CMTM8: variants seen among roughly 807,000 people sequenced by gnomAD.
The protein encoded by CMTM8 is CKLF-like MARVEL transmembrane domain-containing protein 8.
In CMTM8, 12 loss-of-function variants were observed where a neutral mutation model predicts 18.6. The ratio of observed to expected loss-of-function variants is 0.65; its 90% CI spans 0.41 to 1.05. CMTM8 has a LOEUF of 1.05. CMTM8 is among the 50% of genes least tolerant of loss of function. The pLI, the probability that CMTM8 is intolerant of heterozygous loss-of-function variation, is 0.00. For missense variants in CMTM8, 217 were observed against 227.2 expected (o/e 0.95, Z 0.29); for synonymous variants, 87 against 90.6 (o/e 0.96, Z 0.23).
chr3:32,368,053 G>A, intron 3 of CMTM8, 65 bp downstream of exon 3: 1 of 1,126,958 alleles, frequency 8.9e-7, no homozygotes, highest in Non-Finnish European at 1.3e-6. Context: ...TGGGATTGGG[G>A]AAGACAGAGT....
chr3:32,267,164 C>G (rs965713020), intron 1 of CMTM8, among the ~76,000 whole-genome samples: 1 of 152,146 alleles, frequency 6.6e-6, no homozygotes, highest in Non-Finnish European at 1.5e-5. Flanking sequence ...GCCAAAAGAA[C>G]AAAGCTGGAG....
chr3:32,333,226 G>A (rs1696316186), intron 1 of CMTM8, among the ~76,000 whole-genome samples: 1 of 152,152 alleles, frequency 6.6e-6, no homozygotes, highest in Non-Finnish European at 1.5e-5. Flanking sequence ...ATTTTTATAT[G>A]TCACAAAATA....
intron 1 of CMTM8, among the ~76,000 whole-genome samples, chr3:32,284,470 C>T (rs1007126969): frequency 5.3e-5 from 8 of 152,194 alleles, no homozygotes; most frequent in Admixed American, 5.2e-4. Context: ...TCCTCACCTT[C>T]TACCAGCCTT....
At chr3:32,269,237 G>C (rs1238687978) in intron 1 of CMTM8, among the ~76,000 whole-genome samples, 1 of 152,158 alleles carries the variant, frequency 6.6e-6, no homozygotes, top group Non-Finnish European at 1.5e-5. Context: ...AGAAATGTCT[G>C]TGTGCTTTGA....
At chr3:32,312,747 T>C (rs1300638711) in intron 1 of CMTM8, among the ~76,000 whole-genome samples, 1 of 151,722 alleles carries the variant, frequency 6.6e-6, no homozygotes, top group Non-Finnish European at 1.5e-5. Context: ...TCTAACCCTC[T>C]AATCACATGA....
chr3:32,347,879 G>A (rs79640918), intron 1 of CMTM8, among the ~76,000 whole-genome samples: 7,957 of 152,172 alleles, frequency 0.052, 273 homozygotes, highest in East Asian at 0.14. Flanking sequence ...AGCCTTTAAC[G>A]TGGTTTGGCT....
rs1373197226 is a variant in CMTM8, at chr3:32,323,467, C to G, written c.148-33906C>G. Among the ~76,000 whole-genome samples the G allele has an allele frequency of 2.6e-5, 4 of 152,142 alleles. No homozygotes were observed. In the East Asian group the frequency reaches 5.8e-4, roughly 22 times the overall value. ...ATGTGGGCATGGCCAGATTTTGGCTCTCATACTTTTTAACTTCTACCTATA... is the reference window on the plus strand; with the variant it reads ...ATGTGGGCATGGCCAGATTTTGGCTGTCATACTTTTTAACTTCTACCTATA... On this transcript the variant is annotated intron_variant, in intron 1 of 3. Transcript: ENST00000307526.
At chr3:32,266,127 C>A (rs1393772694) in intron 1 of CMTM8, among the ~76,000 whole-genome samples, 1 of 152,178 alleles carries the variant, frequency 6.6e-6, no homozygotes, top group Non-Finnish European at 1.5e-5. Context: ...ATCCTGATAC[C>A]AAAGCCTGGC....
At chr3:32,297,309 G>A (rs747400311) in intron 1 of CMTM8, among the ~76,000 whole-genome samples, 2 of 152,078 alleles carry the variant, frequency 1.3e-5, no homozygotes, top group Non-Finnish European at 2.9e-5. Flanking sequence ...CTCCCAAGTA[G>A]CTGGGATTAC....
intron 1 of CMTM8, among the ~76,000 whole-genome samples, chr3:32,249,826 T>G (rs1402390487): frequency 1.3e-5 from 2 of 152,232 alleles, no homozygotes; most frequent in Non-Finnish European, 2.9e-5. Flanking sequence ...TCCCATTCTG[T>G]CTGTTATCTT....
chr3:32,303,699 T>A (rs1251604160), intron 1 of CMTM8, among the ~76,000 whole-genome samples: 1 of 151,906 alleles, frequency 6.6e-6, no homozygotes, highest in Non-Finnish European at 1.5e-5. Flanking sequence ...TTCGCTTAAA[T>A]TTTGTAGACT....
In CMTM8 at chr3:32,350,551, C is replaced by T. The variant is rs13071106; in HGVS notation, c.148-6822C>T. The stretch of plus-strand genomic sequence containing the variant: ...TTTTTTTTTTTTTGAGACGGAGTCT[C>T]GCTCTGTCACCCAGGCTGGAGTGCA... On this transcript the variant is annotated intron_variant, in intron 1 of 3. Coordinates refer to ENST00000307526, the MANE Select transcript of CMTM8 (RefSeq NM_178868.5). 1.0e-4 allele frequency among the ~76,000 whole-genome samples: 14 copies of T among 138,048 alleles called. No individual in the cohort carries two copies. In the East Asian group the frequency reaches 1.1e-3, roughly 11 times the overall value. The allele number at this position is 138,048 out of a possible 152,430, so 90.6% of individuals were successfully genotyped here.
chr3:32,354,770 G>T (rs1696780210), intron 1 of CMTM8, among the ~76,000 whole-genome samples: 1 of 152,164 alleles, frequency 6.6e-6, no homozygotes, highest in Non-Finnish European at 1.5e-5. Context: ...TTCAGACGCT[G>T]CCATGCTGCA....
chr3:32,357,069 G>A (rs1005945662), intron 1 of CMTM8, among the ~76,000 whole-genome samples: 1 of 152,092 alleles, frequency 6.6e-6, no homozygotes, highest in Non-Finnish European at 1.5e-5. Flanking sequence ...GGAAGGTGGG[G>A]TATATGCATG....
chr3:32,245,358 A>G (rs1391404240), intron 1 of CMTM8, among the ~76,000 whole-genome samples: 1 of 152,238 alleles, frequency 6.6e-6, no homozygotes. Context: ...GGTGAGTGGT[A>G]GTAGCTGTAC....
At position 32,306,259 on chromosome 3, in the gene CMTM8, G is replaced by T. The variant is rs9837277; in HGVS notation, c.148-51114G>T. On this transcript the variant is annotated intron_variant, in intron 1 of 3. Transcript: ENST00000307526. ...TTGGCCTAAACTTGGTCACCTGATG[G>T]CAAGGCCAGGAATCCAAGGGAGGAG... is the stretch of plus-strand genomic sequence containing the variant. Among the ~76,000 whole-genome samples, 319 of 152,278 alleles carry T rather than the reference G, an allele frequency of 2.1e-3. 1 individual carries two copies. Among genetic ancestry groups the T allele is most frequent in the African/African-American group, 7.4e-3 (306 of 41,544 alleles).
At chr3:32,323,367 C>T (rs1333599832) in intron 1 of CMTM8, among the ~76,000 whole-genome samples, 1 of 152,168 alleles carries the variant, frequency 6.6e-6, no homozygotes, top group Non-Finnish European at 1.5e-5. Flanking sequence ...CCCCAACTCA[C>T]CATCTCTATC....
chr3:32,351,293 A>G lies in CMTM8; in HGVS notation c.148-6080A>G, dbSNP rs562944255. Reference sequence around the variant, plus strand: ...TTCTTTACCCCATATATAGAACTCAATGCTAGTGGATTAAAGATGTAAGCA... The same window carrying G: ...TTCTTTACCCCATATATAGAACTCAGTGCTAGTGGATTAAAGATGTAAGCA... On this transcript the variant is annotated intron_variant, in intron 1 of 3. Transcript: ENST00000307526. 1.1e-4 allele frequency among the ~76,000 whole-genome samples: 17 copies of G among 152,364 alleles called. No homozygotes were observed. In the East Asian group the frequency reaches 1.7e-3, roughly 16 times the overall value.
intron 1 of CMTM8, among the ~76,000 whole-genome samples, chr3:32,239,911 C>G (rs932369069): frequency 1.3e-5 from 2 of 152,188 alleles, no homozygotes; most frequent in African/African-American, 4.8e-5. Flanking sequence ...CGACCACCCT[C>G]CCCTGTGAAG....
Sources: allele counts gnomAD v4.1 joint callset (sites outside exome capture counted in the v4.1 genomes callset), GRCh38; gene constraint gnomAD v4.1.1; transcripts MANE v1.5; gene names NCBI Gene and HGNC (gene_info 2026-07-23, HGNC 2026-07-21).